CAMK4: variants seen among roughly 807,000 people sequenced by gnomAD.
The protein encoded by CAMK4 is calcium/calmodulin-dependent protein kinase type IV.
A neutral mutation model predicts 44.9 loss-of-function variants in CAMK4; 22 were observed. The observed-to-expected ratio is 0.49, with a 90% CI of 0.35 to 0.70. CAMK4 has a LOEUF of 0.70. Among genes scored for constraint, CAMK4 ranks in the 30% least tolerant of loss-of-function variants. CAMK4 has a pLI of 0.01. For missense variants in CAMK4, 498 were observed against 586.8 expected (o/e 0.85, Z 1.56); for synonymous variants, 218 against 215.4 (o/e 1.01, Z -0.11).
intron 1 of CAMK4, among the ~76,000 whole-genome samples, chr5:111,240,602 G>C (rs1005739693): frequency 6.6e-6 from 1 of 152,136 alleles, no homozygotes; most frequent in Non-Finnish European, 1.5e-5. Context: ...GAAGAAAGCT[G>C]TTAATGAGAT....
At chr5:111,384,562 C>A (rs537976880) in intron 4 of CAMK4, among the ~76,000 whole-genome samples, 41 of 152,274 alleles carry the variant, frequency 2.7e-4, no homozygotes, top group African/African-American at 9.6e-4. Context: ...ATCAAATGAA[C>A]TCAGCATCCC....
In CAMK4 at chr5:111,492,171, CAT is replaced by C. The variant is rs1365168566; in HGVS notation, c.*7707_*7708del. 1.3e-5 allele frequency: 2 copies of C among 151,954 alleles called. No homozygotes were observed. The highest frequency in any genetic ancestry group is 2.9e-5 in the Non-Finnish European group (2 of 67,928). The allele number at this position is 151,954 out of a possible 1,614,324, so 9.4% of individuals were successfully genotyped here. A position where few individuals can be genotyped will look rare whatever the true frequency, so the allele number is the denominator to read the frequency against. On this transcript the variant is annotated 3_prime_UTR_variant, in exon 11 of 11. Transcript: ENST00000282356. ...CTAGTGACCGAGATATGGAGAAAAA[CAT>C]AGGCATTCATGACCTTTGTGTTTCC...
rs772623321 is a variant in CAMK4, at chr5:111,484,682, C to T, written c.*216C>T. On this transcript the variant is annotated 3_prime_UTR_variant, in exon 11 of 11. Coordinates refer to ENST00000282356, the MANE Select transcript of CAMK4 (RefSeq NM_001744.6). This position sits in a 1 kb window ranked among gnomAD's most constrained non-coding sequence, Gnocchi z 5.3. ...ATGGCATGTAATGGATACCTAATAC[C>T]GATGAGTTAAATCTTGCAAGTTAAC... 13 of 377,480 alleles carry T rather than the reference C, an allele frequency of 3.4e-5. No homozygotes were observed. Among genetic ancestry groups the T allele is most frequent in the South Asian group, 1.4e-4 (1 of 7,066 alleles). 23.4% of individuals were successfully genotyped at this position (377,480 alleles called of 1,614,324 possible). A position where few individuals can be genotyped will look rare whatever the true frequency, so the allele number is the denominator to read the frequency against.
intron 7 of CAMK4, among the ~76,000 whole-genome samples, chr5:111,464,740 A>C (rs1327521648): frequency 6.6e-6 from 1 of 152,224 alleles, no homozygotes; most frequent in African/African-American, 2.4e-5. Context: ...TTTATCAGCC[A>C]TCTCAAGCCA....
intron 1 of CAMK4, among the ~76,000 whole-genome samples, chr5:111,313,023 C>T (rs548644671): frequency 6.6e-6 from 1 of 152,176 alleles, no homozygotes; most frequent in Non-Finnish European, 1.5e-5. Flanking sequence ...CAAAGGGATG[C>T]CCCTTCTATT....
chr5:111,366,732 A>G (rs1331161768), intron 2 of CAMK4, among the ~76,000 whole-genome samples: 1 of 151,956 alleles, frequency 6.6e-6, no homozygotes, highest in Non-Finnish European at 1.5e-5. Flanking sequence ...CCTCTTATCT[A>G]CTTCTTTCTC....
At chr5:111,324,621 C>T (rs1374295135) in intron 1 of CAMK4, among the ~76,000 whole-genome samples, 2 of 151,888 alleles carry the variant, frequency 1.3e-5, no homozygotes, top group Non-Finnish European at 1.5e-5. Flanking sequence ...TAACACCCCC[C>T]TCTCAAAAAT....
intron 5 of CAMK4, among the ~76,000 whole-genome samples, chr5:111,440,960 G>T (rs892718923): frequency 6.6e-6 from 1 of 152,084 alleles, no homozygotes; most frequent in African/African-American, 2.4e-5. Context: ...AACATACTAA[G>T]TAATTACACA....
chr5:111,273,313 A>G (rs1750593234), intron 1 of CAMK4, among the ~76,000 whole-genome samples: 1 of 152,068 alleles, frequency 6.6e-6, no homozygotes, highest in African/African-American at 2.4e-5. Context: ...ATATAAGCAC[A>G]TACACACACA....
At chr5:111,259,725 T>C (rs921303183) in intron 1 of CAMK4, among the ~76,000 whole-genome samples, 1 of 152,222 alleles carries the variant, frequency 6.6e-6, no homozygotes, top group Non-Finnish European at 1.5e-5. Flanking sequence ...AGTTCCCCTG[T>C]ATAAAACTAA....
Position 111,418,394 on chromosome 5 carries a change from A to G in CAMK4, c.459+23612A>G, listed in dbSNP as rs143398616. Among the ~76,000 whole-genome samples the G allele has an allele frequency of 6.0e-3, 915 of 152,264 alleles. 9 individuals carry two copies. Among genetic ancestry groups the G allele is most frequent in the African/African-American group, 0.02 (847 of 41,544 alleles). On this transcript the variant is annotated intron_variant, in intron 5 of 10. Coordinates refer to ENST00000282356, the MANE Select transcript of CAMK4 (RefSeq NM_001744.6). ...GGATGGGGTGAAATTAAAATTGCTA[A>G]TGAAGTTTCAGTCACCATTGTCATT...
At chr5:111,280,234 A>G (rs1218017185) in intron 1 of CAMK4, among the ~76,000 whole-genome samples, 2 of 151,680 alleles carry the variant, frequency 1.3e-5, no homozygotes, top group South Asian at 2.1e-4. Flanking sequence ...TCTTCTAATT[A>G]GAAAAATATC....
rs1184487855 is a variant in CAMK4 at position 111,336,944 on chromosome 5, AT to A, written c.162-7071del. 3.3e-5 allele frequency among the ~76,000 whole-genome samples: 5 copies of A among 150,728 alleles called. No homozygotes were observed. In the East Asian group the frequency reaches 9.8e-4, roughly 29 times the overall value. ...TTTAAACAATATAGTTCTTTTGGAA[AT>A]TTTTTTTTACTGTATTTTCATTGAA... On this transcript the variant is annotated intron_variant, in intron 1 of 10. Transcript: ENST00000282356.
intron 4 of CAMK4, among the ~76,000 whole-genome samples, chr5:111,392,550 A>C (rs1381815330): frequency 1.3e-5 from 2 of 152,172 alleles, no homozygotes; most frequent in African/African-American, 4.8e-5. Context: ...ACTAATGTTA[A>C]AAACATGAAA....
At chr5:111,340,214 C>A (rs963548952) in intron 1 of CAMK4, among the ~76,000 whole-genome samples, 16 of 151,038 alleles carry the variant, frequency 1.1e-4, no homozygotes, top group African/African-American at 3.9e-4. Context: ...CCTTTTATTT[C>A]TTTGCCTTGC....
intron 1 of CAMK4, among the ~76,000 whole-genome samples, chr5:111,322,040 C>T (rs777470782): frequency 6.6e-6 from 1 of 152,018 alleles, no homozygotes; most frequent in Non-Finnish European, 1.5e-5. Flanking sequence ...AAAGGTACTA[C>T]ACTTGCCCTT....
intron 1 of CAMK4, among the ~76,000 whole-genome samples, chr5:111,257,969 C>T (rs1749811240): frequency 6.6e-6 from 1 of 151,982 alleles, no homozygotes; most frequent in Non-Finnish European, 1.5e-5. Flanking sequence ...AATGAGATAC[C>T]ATCTCAGGGG....
chr5:111,318,174 A>G (rs763910792), intron 1 of CAMK4, among the ~76,000 whole-genome samples: 1 of 152,162 alleles, frequency 6.6e-6, no homozygotes, highest in African/African-American at 2.4e-5. Flanking sequence ...TGTGTTATCT[A>G]TCTATGACAC....
intron 10 of CAMK4, 100 bp downstream of exon 10, chr5:111,483,037 A>C: frequency 1.0e-6 from 1 of 995,446 alleles, no homozygotes; most frequent in Non-Finnish European, 1.4e-6. Context: ...ATCTAATACT[A>C]TTATCTATTT....
Sources: gnomAD v4.1 joint callset for allele counts (sites outside exome capture counted in the v4.1 genomes callset) on GRCh38, gnomAD v4.1.1 for gene constraint, Gnocchi (gnomAD v3.1) non-coding constraint, MANE v1.5 for transcripts, NCBI Gene and HGNC (gene_info 2026-07-23, HGNC 2026-07-21) for gene names.